Variants in FSTL5 observed in about 807,000 individuals in gnomAD.
FSTL5 encodes the protein follistatin-related protein 5.
FSTL5 carries 62 observed loss-of-function variants against 89.1 expected under a neutral mutation model. The observed-to-expected ratio is 0.70, with a 90% CI of 0.57 to 0.86. The LOEUF is 0.86. Ranked by LOEUF, FSTL5 falls within the 40% of genes least tolerant of loss-of-function variation. The pLI, the probability that FSTL5 is intolerant of heterozygous loss-of-function variation, is 0.00. For missense variants in FSTL5, 1,057 were observed against 1,001.6 expected, an observed-to-expected ratio of 1.06 and a Z score of -0.75; for synonymous variants, 383 against 346.2, an observed-to-expected ratio of 1.11 and a Z score of -1.18.
chr4:162,134,326 CAAAGT>C (rs968888573), intron 1 of FSTL5, among the ~76,000 whole-genome samples: 2 of 152,062 alleles, frequency 1.3e-5, no homozygotes, highest in African/African-American at 4.8e-5. Flanking sequence ...CTGAGTAACT[CAAAGT>C]AATCAGTTTT....
At chr4:161,686,118 T>C (rs988079154) in intron 6 of FSTL5, among the ~76,000 whole-genome samples, 1 of 151,290 alleles carries the variant, frequency 6.6e-6, no homozygotes, top group Non-Finnish European at 1.5e-5. Context: ...TTGATCATGA[T>C]GGATTAATTT....
At chr4:161,720,426 G>A (rs148651440) in intron 6 of FSTL5, among the ~76,000 whole-genome samples, 12 of 152,086 alleles carry the variant, frequency 7.9e-5, no homozygotes, top group Non-Finnish European at 1.0e-4. Flanking sequence ...AATGTAAATC[G>A]GTGTAGTCAC....
chr4:161,814,953 T>A (rs923471298), intron 4 of FSTL5, among the ~76,000 whole-genome samples: 1 of 152,030 alleles, frequency 6.6e-6, no homozygotes, highest in East Asian at 1.9e-4. Context: ...CAACTATACA[T>A]CTATAGGATC....
rs533365182 is a variant in FSTL5 at position 161,407,169 on chromosome 4, T to C, written c.1842-20720A>G. 2.6e-5 allele frequency among the ~76,000 whole-genome samples: 4 copies of C among 152,296 alleles called. No homozygotes were observed. In the East Asian group the frequency reaches 5.8e-4, roughly 22 times the overall value. ...GTGAATGTATTATTGTCACGAATTG[T>C]ACACTTTAAAATTTTTGATTTTGGA... is the stretch of plus-strand genomic sequence containing the variant. On this transcript the variant is annotated intron_variant, in intron 15 of 15. Transcript: ENST00000306100.
At chr4:161,713,118 A>T (rs1317282230) in intron 6 of FSTL5, among the ~76,000 whole-genome samples, 1 of 152,210 alleles carries the variant, frequency 6.6e-6, no homozygotes, top group Non-Finnish European at 1.5e-5. Context: ...TAATCCAGGT[A>T]CAGGTGGTAA....
At chr4:162,118,268 CTTTT>C (rs10706391) in intron 1 of FSTL5, among the ~76,000 whole-genome samples, 7,301 of 148,312 alleles carry the variant, frequency 0.049, 370 homozygotes, top group East Asian at 0.27. Flanking sequence ...TCCAAAGAGT[CTTTT>C]TTTTTTTTGA....
intron 10 of FSTL5, among the ~76,000 whole-genome samples, chr4:161,522,050 C>T (rs1039817354): frequency 6.6e-6 from 1 of 151,888 alleles, no homozygotes; most frequent in African/African-American, 2.4e-5. Context: ...GTCCTACATT[C>T]CCTCTCTCTC....
At chr4:161,632,064 G>T (rs1469906803) in intron 7 of FSTL5, among the ~76,000 whole-genome samples, 3 of 152,024 alleles carry the variant, frequency 2.0e-5, no homozygotes, top group Non-Finnish European at 4.4e-5. Flanking sequence ...CTTTTCCACT[G>T]CACAGAAGTA....
intron 11 of FSTL5, among the ~76,000 whole-genome samples, chr4:161,504,880 C>T (rs573021135): frequency 1.3e-5 from 2 of 152,040 alleles, no homozygotes; most frequent in East Asian, 3.9e-4. Context: ...TCTACACTAG[C>T]AATACAATTT....
chr4:161,966,033 G>A (rs892358506), intron 3 of FSTL5, among the ~76,000 whole-genome samples: 6 of 152,224 alleles, frequency 3.9e-5, no homozygotes, highest in African/African-American at 1.2e-4. Context: ...CTAATTTTGT[G>A]TGAGAATATC....
intron 4 of FSTL5, among the ~76,000 whole-genome samples, chr4:161,826,855 T>C (rs908711982): frequency 6.6e-6 from 1 of 152,212 alleles, no homozygotes; most frequent in Non-Finnish European, 1.5e-5. Flanking sequence ...CCATTCTTTA[T>C]CTTTTAAGTA....
At chr4:161,970,565 G>A (rs1735454502) in intron 3 of FSTL5, among the ~76,000 whole-genome samples, 1 of 152,060 alleles carries the variant, frequency 6.6e-6, no homozygotes, top group Non-Finnish European at 1.5e-5. Flanking sequence ...AGAATCGGTT[G>A]TCCAGATTGA....
At chr4:161,652,731 A>G (rs1736385230) in intron 7 of FSTL5, among the ~76,000 whole-genome samples, 3 of 152,124 alleles carry the variant, frequency 2.0e-5, no homozygotes, top group Non-Finnish European at 4.4e-5. Context: ...AAATACATCT[A>G]TATTATTGTA....
intron 15 of FSTL5, among the ~76,000 whole-genome samples, chr4:161,424,880 C>A (rs905655094): frequency 2.6e-5 from 4 of 152,194 alleles, no homozygotes; most frequent in African/African-American, 9.7e-5. Context: ...ATAGGAGAGT[C>A]CTCTCTGCTT....
At chr4:162,060,417 A>C (rs978220319) in intron 2 of FSTL5, among the ~76,000 whole-genome samples, 1 of 152,086 alleles carries the variant, frequency 6.6e-6, no homozygotes, top group Admixed American at 6.6e-5. Context: ...CATTTTGCTT[A>C]GTTTATATGA....
At chr4:162,065,428 C>A (rs1176358717) in intron 2 of FSTL5, among the ~76,000 whole-genome samples, 1 of 151,828 alleles carries the variant, frequency 6.6e-6, no homozygotes, top group Non-Finnish European at 1.5e-5. Context: ...TAAAAACATA[C>A]AAATAGCCAA....
chr4:162,073,744 G>C (rs1281132768), intron 2 of FSTL5, among the ~76,000 whole-genome samples: 1 of 151,598 alleles, frequency 6.6e-6, no homozygotes, highest in African/African-American at 2.4e-5. Flanking sequence ...ACTTATTCTG[G>C]TATAATTGCA....
chr4:162,015,257 T>TG (rs1736884591), intron 3 of FSTL5, among the ~76,000 whole-genome samples: 1 of 152,150 alleles, frequency 6.6e-6, no homozygotes. Context: ...GCAACATTAG[T>TG]GTAGCAGAAA....
intron 6 of FSTL5, among the ~76,000 whole-genome samples, chr4:161,703,298 A>G (rs1738464464): frequency 1.3e-5 from 2 of 152,122 alleles, no homozygotes; most frequent in South Asian, 4.1e-4. Flanking sequence ...GAATCTTTCA[A>G]CCTAAGTCCA....
Sources: allele counts gnomAD v4.1 joint callset (sites outside exome capture counted in the v4.1 genomes callset), GRCh38; gene constraint gnomAD v4.1.1; transcripts MANE v1.5; gene names NCBI Gene and HGNC (gene_info 2026-07-23, HGNC 2026-07-21).